PALLD: variants seen among roughly 807,000 people sequenced by gnomAD.
The protein encoded by PALLD is palladin, cytoskeletal associated protein.
In PALLD, 61 loss-of-function variants were observed where a neutral mutation model predicts 123.5. The observed-to-expected ratio is 0.49, with a 90% CI of 0.40 to 0.61. The LOEUF (loss-of-function observed/expected upper bound fraction) is 0.61. PALLD is among the 20% of genes least tolerant of loss of function. PALLD has a pLI of 0.00. For synonymous variants in PALLD, 465 were observed against 496.4 expected, an observed-to-expected ratio of 0.94 and a Z score of 0.84; for missense variants, 1,273 against 1,377.0, an observed-to-expected ratio of 0.92 and a Z score of 1.20.
chr4:168,905,291 C>T (rs1560895629), intron 15 of PALLD, among the ~76,000 whole-genome samples: 2 of 151,040 alleles, frequency 1.3e-5, no homozygotes, highest in Non-Finnish European at 3.0e-5. Flanking sequence ...GCTGGGACTA[C>T]AGGCACCCAC....
At position 168,725,452 on chromosome 4, in the gene PALLD, T is replaced by C. The variant is rs140625003; in HGVS notation, c.1964+13529T>C. Reference sequence around the variant, plus strand: ...CTCAATGTTTGAAACAAAAAAACCCTAAAAGACATAAAAGGTGGCTTGAGT... The same window carrying C: ...CTCAATGTTTGAAACAAAAAAACCCCAAAAGACATAAAAGGTGGCTTGAGT... On this transcript the variant is annotated intron_variant, in intron 10 of 21. Transcript: ENST00000505667. 1.2e-3 allele frequency among the ~76,000 whole-genome samples: 176 copies of C among 150,172 alleles called. 1 individual carries two copies. The East Asian group carries it at 0.019, about 16-fold the overall frequency.
At chr4:168,599,994 T>TAC (rs966615102) in intron 2 of PALLD, among the ~76,000 whole-genome samples, 1 of 147,450 alleles carries the variant, frequency 6.8e-6, no homozygotes, top group African/African-American at 2.5e-5. Context: ...TACATGTGTA[T>TAC]ACACACACGT....
intron 10 of PALLD, among the ~76,000 whole-genome samples, chr4:168,875,486 G>A (rs923225152): frequency 6.6e-6 from 1 of 152,020 alleles, no homozygotes; most frequent in Non-Finnish European, 1.5e-5. Context: ...TTTAAAATTC[G>A]AAATAAATGT....
intron 10 of PALLD, chr4:168,832,089 C>G: frequency 1.0e-6 from 1 of 964,800 alleles, no homozygotes; most frequent in Non-Finnish European, 1.2e-6. Flanking sequence ...CTGCCCCGCG[C>G]CCGGTCCGCG....
chr4:168,501,684 G>A (rs1761420498), intron 1 of PALLD, among the ~76,000 whole-genome samples: 1 of 152,050 alleles, frequency 6.6e-6, no homozygotes, highest in Non-Finnish European at 1.5e-5. Context: ...TTTCCCTTCA[G>A]AGCGCCATGA....
At chr4:168,856,754 C>T (rs1748666486) in intron 10 of PALLD, among the ~76,000 whole-genome samples, 1 of 152,190 alleles carries the variant, frequency 6.6e-6, no homozygotes, top group Non-Finnish European at 1.5e-5. Flanking sequence ...TAAACACAGG[C>T]AGTCTAACTC....
chr4:168,644,018 C>T (rs72982800), intron 2 of PALLD, among the ~76,000 whole-genome samples: 8,560 of 151,692 alleles, frequency 0.056, 791 homozygotes, highest in African/African-American at 0.19. Flanking sequence ...TTGGTGCCTC[C>T]AAAGAGAAAA....
chr4:168,874,886 G>T (rs1317392160), intron 10 of PALLD, among the ~76,000 whole-genome samples: 2 of 152,056 alleles, frequency 1.3e-5, no homozygotes, highest in African/African-American at 2.4e-5. Context: ...GCAAGAGTGG[G>T]GAATCGCTTA....
chr4:168,713,321 T>A (rs1056138612), intron 10 of PALLD, among the ~76,000 whole-genome samples: 4 of 152,196 alleles, frequency 2.6e-5, no homozygotes, highest in Non-Finnish European at 5.9e-5. Context: ...CAGCAACCCA[T>A]AAAATTAATT....
intron 8 of PALLD, among the ~76,000 whole-genome samples, chr4:168,693,974 T>C (rs943968048): frequency 6.6e-6 from 1 of 152,236 alleles, no homozygotes; most frequent in Non-Finnish European, 1.5e-5. Context: ...AATGTTACAG[T>C]GTATTTGTGC....
chr4:168,761,293 A>T (rs576437927), intron 10 of PALLD, among the ~76,000 whole-genome samples: 1 of 152,060 alleles, frequency 6.6e-6, no homozygotes, highest in Non-Finnish European at 1.5e-5. Context: ...AGTTTCACCA[A>T]TGAGTCCCCT....
intron 2 of PALLD, among the ~76,000 whole-genome samples, chr4:168,650,413 C>T (rs779900016): frequency 6.6e-5 from 10 of 152,130 alleles, no homozygotes; most frequent in Non-Finnish European, 1.3e-4. Context: ...TTGACAGCTG[C>T]GTCTAACATT....
chr4:168,759,462 A>T (rs932284790), intron 10 of PALLD, among the ~76,000 whole-genome samples: 8 of 151,790 alleles, frequency 5.3e-5, no homozygotes, highest in African/African-American at 1.7e-4. Flanking sequence ...AAGGAAACTG[A>T]GTCACTTCCT....
chr4:168,631,868 G>A, intron 2 of PALLD: 1 of 985,532 alleles, frequency 1.0e-6, no homozygotes, highest in South Asian at 4.7e-5. Context: ...GCTTGTTTGG[G>A]AGTGGGGGCA....
In PALLD at chr4:168,878,220, T is replaced by TGCCGCCGCCACC; in HGVS notation, c.1965-12701_1965-12690dup. The TGCCGCCGCCACC allele has an allele frequency of 7.3e-7, 1 of 1,374,928 alleles. No homozygotes were observed. The highest frequency in any genetic ancestry group is 9.5e-7 in the Non-Finnish European group (1 of 1,050,636). 85.2% of individuals were successfully genotyped at this position (1,374,928 alleles called of 1,614,324 possible). On this transcript the variant is annotated intron_variant, in intron 10 of 21. Coordinates refer to ENST00000505667, the MANE Select transcript of PALLD (RefSeq NM_001166108.2). ...TTCCCGGTGCCCGACGTGTTCCCACTGCCGCCGCCACCACCGCCGCTCCCG... is the reference window on the plus strand; with the variant it reads ...TTCCCGGTGCCCGACGTGTTCCCACTGCCGCCGCCACCGCCGCCGCCACCACCGCCGCTCCCG...
At chr4:168,860,607 G>C (rs1749321588) in intron 10 of PALLD, among the ~76,000 whole-genome samples, 1 of 152,188 alleles carries the variant, frequency 6.6e-6, no homozygotes, top group Non-Finnish European at 1.5e-5. Context: ...CAGATCACTT[G>C]AAGTCAGGAG....
At chr4:168,685,810 GAAAAAAAAAAA>G (rs70961550) in intron 6 of PALLD, among the ~76,000 whole-genome samples, 6 of 65,632 alleles carry the variant, frequency 9.1e-5, no homozygotes, top group Admixed American at 1.9e-4. Context: ...AAGACAGATA[GAAAAAAAAAAA>G]AAAAAAAAAA....
chr4:168,879,977 CCT>C (rs1293482135), intron 10 of PALLD, among the ~76,000 whole-genome samples: 3 of 152,172 alleles, frequency 2.0e-5, no homozygotes, highest in Admixed American at 2.0e-4. Context: ...ACTTTTTCAT[CCT>C]CTCTCATTAA....
chr4:168,611,259 C>T (rs1773700749), intron 2 of PALLD, among the ~76,000 whole-genome samples: 1 of 152,196 alleles, frequency 6.6e-6, no homozygotes, highest in Admixed American at 6.5e-5. Context: ...CTCTTTCTTC[C>T]CTCTAATGAG....
Sources: gnomAD v4.1 joint callset for allele counts (sites outside exome capture counted in the v4.1 genomes callset) on GRCh38, gnomAD v4.1.1 for gene constraint, MANE v1.5 for transcripts, NCBI Gene and HGNC (gene_info 2026-07-23, HGNC 2026-07-21) for gene names.